PRKN: variants seen among roughly 807,000 people sequenced by gnomAD.
The protein encoded by PRKN is E3 ubiquitin-protein ligase parkin.
PRKN carries 56 observed loss-of-function variants against 59.5 expected under a neutral mutation model. The observed-to-expected ratio is 0.94, with a 90% confidence interval of 0.76 to 1.18. The LOEUF (loss-of-function observed/expected upper bound fraction) is 1.18. Among genes scored for constraint, PRKN ranks in the 50% most tolerant of loss-of-function variants. The pLI is 0.00. For synonymous variants in PRKN, 250 were observed against 222.1 expected (o/e 1.13, Z -1.12); for missense variants, 657 against 596.4 (o/e 1.10, Z -1.06).
chr6:161,348,731 T>TCATG lies in PRKN; in HGVS notation c.*1364_*1367dup, dbSNP rs1784418678. The stretch of plus-strand genomic sequence containing the variant: ...AAGGGCCTCCATGTGCTAGTGAGAC[T>TCATG]CATGCCCTCAGTTATGTTCACGATC... On this transcript the variant is annotated 3_prime_UTR_variant, in exon 12 of 12. Transcript: ENST00000366898. The surrounding 1 kb of genome is among the most constrained non-coding windows in gnomAD (Gnocchi z 4.9). 4.8e-6 allele frequency: 1 copy of TCATG among 210,132 alleles called. No individual in the cohort carries two copies. 13.0% of individuals were successfully genotyped at this position (210,132 alleles called of 1,614,324 possible).
intron 1 of PRKN, among the ~76,000 whole-genome samples, chr6:162,726,701 C>T (rs1223933571): frequency 6.6e-6 from 1 of 152,186 alleles, no homozygotes; most frequent in East Asian, 1.9e-4. Context: ...CATCTGACTT[C>T]GAACGTACTT....
chr6:161,546,160 A>C lies in PRKN; in HGVS notation c.1083+2694T>G, dbSNP rs765052633. ...TAAATATTCATTAAGCTTTTGATTA[A>C]ATATTAAATAAATCTGCACTTAACT... On this transcript the variant is annotated intron_variant, in intron 9 of 11. Transcript: ENST00000366898. This position sits in a 1 kb window ranked among gnomAD's most constrained non-coding sequence, Gnocchi z 4.4. Among the ~76,000 whole-genome samples, 2 of 152,172 alleles carry C rather than the reference A, an allele frequency of 1.3e-5. No individual in the cohort carries two copies. The highest frequency in any genetic ancestry group is 2.9e-5 in the Non-Finnish European group (2 of 68,032).
chr6:162,034,374 A>T (rs192769445), intron 5 of PRKN, among the ~76,000 whole-genome samples: 84 of 152,256 alleles, frequency 5.5e-4, no homozygotes, highest in African/African-American at 1.9e-3. Context: ...AGTGCTGGTA[A>T]AACAGCTAGA....
intron 8 of PRKN, among the ~76,000 whole-genome samples, chr6:161,567,575 G>T (rs1283777602): frequency 6.6e-6 from 1 of 152,118 alleles, no homozygotes; most frequent in Non-Finnish European, 1.5e-5. Context: ...GTGTGTGTGT[G>T]TGTTTGCGCG....
chr6:162,652,020 G>C (rs1244575262), intron 1 of PRKN, among the ~76,000 whole-genome samples: 1 of 152,062 alleles, frequency 6.6e-6, no homozygotes, highest in Non-Finnish European at 1.5e-5. Flanking sequence ...CTGACATTTT[G>C]GGTCAGACAG....
chr6:161,704,882 C>T (rs577919309), intron 7 of PRKN, among the ~76,000 whole-genome samples: 4 of 152,200 alleles, frequency 2.6e-5, no homozygotes, highest in East Asian at 1.9e-4. Context: ...AGCAGTACCA[C>T]GTTTCTCAGT....
At chr6:161,660,527 G>A (rs1481991285) in intron 7 of PRKN, among the ~76,000 whole-genome samples, 1 of 152,190 alleles carries the variant, frequency 6.6e-6, no homozygotes, top group Non-Finnish European at 1.5e-5. Flanking sequence ...AAAAAATGGT[G>A]AGCTGGCAAG....
At chr6:161,849,219 G>C (rs1043287826) in intron 6 of PRKN, among the ~76,000 whole-genome samples, 19 of 152,118 alleles carry the variant, frequency 1.2e-4, no homozygotes, top group African/African-American at 4.3e-4. Flanking sequence ...CAAACCCAAG[G>C]GCACCTCCTA....
Position 161,580,377 on chromosome 6 carries a change from A to G in PRKN, c.872-10961T>C, listed in dbSNP as rs562563515. On this transcript the variant is annotated intron_variant, in intron 7 of 11. Coordinates refer to ENST00000366898, the MANE Select transcript of PRKN (RefSeq NM_004562.3). ...TGAGCCTTGGTATGCGGCTCAGGTG[A>G]CTGCACCATGGCCCTGGTATAAGCA... Among the ~76,000 whole-genome samples the G allele has an allele frequency of 4.6e-5, 7 of 152,294 alleles. No homozygotes were observed. The South Asian group carries it at 1.0e-3, about 23-fold the overall frequency.
At chr6:161,810,429 T>C (rs1215056241) in intron 6 of PRKN, among the ~76,000 whole-genome samples, 3 of 152,232 alleles carry the variant, frequency 2.0e-5, no homozygotes, top group Non-Finnish European at 4.4e-5. Context: ...GAATGGATTA[T>C]GACAGACTGG....
intron 2 of PRKN, among the ~76,000 whole-genome samples, chr6:162,272,893 T>C (rs1181955408): frequency 6.9e-6 from 1 of 144,502 alleles, no homozygotes; most frequent in Non-Finnish European, 1.5e-5. Context: ...AGCTACAGGC[T>C]GGGAGGCTGA....
chr6:161,801,025 A>T (rs1179421617), intron 6 of PRKN, among the ~76,000 whole-genome samples: 2 of 152,156 alleles, frequency 1.3e-5, no homozygotes, highest in African/African-American at 4.8e-5. Flanking sequence ...TAATGCATGA[A>T]TGCATGGCTC....
intron 6 of PRKN, among the ~76,000 whole-genome samples, chr6:161,858,858 C>CTTTTTCTTTTTTTTTT (rs1793765809): frequency 1.4e-5 from 1 of 71,936 alleles, no homozygotes; most frequent in South Asian, 6.2e-4. Context: ...CACAGCTGTA[C>CTTTTTCTTTTTTTTTT]TTTTTTTTTT....
At chr6:161,482,439 A>G (rs1791445860) in intron 9 of PRKN, among the ~76,000 whole-genome samples, 1 of 152,252 alleles carries the variant, frequency 6.6e-6, no homozygotes, top group African/African-American at 2.4e-5. Context: ...AAACATTGTC[A>G]TCAATATGAA....
chr6:162,703,180 T>G (rs1239968701), intron 1 of PRKN, among the ~76,000 whole-genome samples: 5 of 152,110 alleles, frequency 3.3e-5, no homozygotes, highest in Non-Finnish European at 4.4e-5. Context: ...AAAGTGAAAA[T>G]TAAGCTATTG....
chr6:161,729,940 T>C (rs1006096673), intron 7 of PRKN, among the ~76,000 whole-genome samples: 17 of 152,222 alleles, frequency 1.1e-4, no homozygotes, highest in African/African-American at 3.4e-4. Context: ...CATGTTGCAT[T>C]CTTTCTGATG....
intron 1 of PRKN, among the ~76,000 whole-genome samples, chr6:162,596,899 C>T (rs1254664021): frequency 3.3e-5 from 5 of 152,208 alleles, no homozygotes; most frequent in South Asian, 2.1e-4. Context: ...ATCCGATCCC[C>T]GCCACCTCCT....
At chr6:162,427,897 G>A (rs6902041) in intron 2 of PRKN, among the ~76,000 whole-genome samples, 59,734 of 151,878 alleles carry the variant, frequency 0.39, 11,946 homozygotes, top group East Asian at 0.58. Context: ...CAAATCCCAA[G>A]TTCAGGATAA....
chr6:161,702,252 A>C (rs1310833495), intron 7 of PRKN, among the ~76,000 whole-genome samples: 1 of 152,194 alleles, frequency 6.6e-6, no homozygotes, highest in African/African-American at 2.4e-5. Flanking sequence ...ATAAATTTTT[A>C]GGACTTCAAA....
Sources: gnomAD v4.1 joint callset for allele counts (sites outside exome capture counted in the v4.1 genomes callset) on GRCh38, gnomAD v4.1.1 for gene constraint, Gnocchi (gnomAD v3.1) non-coding constraint, MANE v1.5 for transcripts, NCBI Gene and HGNC (gene_info 2026-07-23, HGNC 2026-07-21) for gene names.